Variants in UNC13C observed in about 807,000 individuals in gnomAD.
UNC13C encodes protein unc-13 homolog C.
UNC13C carries 174 observed loss-of-function variants against 245.4 expected under a neutral mutation model. The observed-to-expected ratio is 0.71, with a 90% CI of 0.63 to 0.80. The LOEUF (loss-of-function observed/expected upper bound fraction) is 0.80. UNC13C is among the 30% of genes least tolerant of loss of function. The pLI is 0.00. For synonymous variants in UNC13C, 992 were observed against 895.1 expected (o/e 1.11, Z -1.93); for missense variants, 2,829 against 2,602.9 (o/e 1.09, Z -1.89).
chr15:53,913,015 A>G, the UNC13C span: 2 of 152,180 alleles, frequency 1.3e-5, no homozygotes, highest in African/African-American at 4.8e-5. Context: ...ATTCTTCTCC[A>G]TTGACATTGC....
chr15:53,927,016 A>G, the UNC13C span, among the ~76,000 whole-genome samples: 1 of 152,218 alleles, frequency 6.6e-6, no homozygotes, highest in Non-Finnish European at 1.5e-5. Context: ...TCATCCATTT[A>G]TTTAACACCC....
intron 24 of UNC13C, among the ~76,000 whole-genome samples, chr15:54,522,511 C>A (rs1184170311): frequency 6.6e-6 from 1 of 151,774 alleles, no homozygotes; most frequent in Middle Eastern, 3.2e-3. Context: ...ACAACAACAA[C>A]AAAAAGTCTT....
At chr15:54,613,722 G>T (rs1467805752) in intron 30 of UNC13C, among the ~76,000 whole-genome samples, 2 of 151,788 alleles carry the variant, frequency 1.3e-5, no homozygotes, top group East Asian at 3.9e-4. Flanking sequence ...AAAATGCCAG[G>T]CTTATAACCT....
At chr15:53,875,718 A>T in the UNC13C span, among the ~76,000 whole-genome samples, 1 of 152,182 alleles carries the variant, frequency 6.6e-6, no homozygotes, top group Non-Finnish European at 1.5e-5. Context: ...TAGTTATAAT[A>T]TAATTCTGCA....
chr15:53,969,762 T>G, the UNC13C span, among the ~76,000 whole-genome samples: 1 of 152,048 alleles, frequency 6.6e-6, no homozygotes, highest in Non-Finnish European at 1.5e-5. Context: ...TCTTAAACAT[T>G]TTTAAGTGCA....
At chr15:53,949,100 A>G in the UNC13C span, among the ~76,000 whole-genome samples, 1 of 152,198 alleles carries the variant, frequency 6.6e-6, no homozygotes, top group African/African-American at 2.4e-5. Context: ...TAGATAAGCA[A>G]TTATAATATA....
chr15:54,289,080 C>T (rs1488938347), intron 10 of UNC13C, among the ~76,000 whole-genome samples: 2 of 151,986 alleles, frequency 1.3e-5, no homozygotes, highest in Non-Finnish European at 2.9e-5. Context: ...GTACAGGTAC[C>T]TTTTTGTGTT....
At chr15:54,507,524 A>G (rs1187986244) in intron 23 of UNC13C, among the ~76,000 whole-genome samples, 1 of 152,128 alleles carries the variant, frequency 6.6e-6, no homozygotes, top group Non-Finnish European at 1.5e-5. Context: ...GAGTATTGGC[A>G]CCAACTAGTT....
At chr15:53,934,476 CTA>C in the UNC13C span, among the ~76,000 whole-genome samples, 1 of 151,900 alleles carries the variant, frequency 6.6e-6, no homozygotes, top group Non-Finnish European at 1.5e-5. Context: ...GTGAATAAAT[CTA>C]TGTTTATCTG....
chr15:53,870,217 A>G, the UNC13C span, among the ~76,000 whole-genome samples: 2 of 152,276 alleles, frequency 1.3e-5, no homozygotes, highest in South Asian at 2.1e-4. Flanking sequence ...AAAACTTTTT[A>G]TGTTTCAAGT....
intron 4 of UNC13C, among the ~76,000 whole-genome samples, chr15:54,181,921 C>A (rs572502180): frequency 6.6e-6 from 1 of 151,958 alleles, no homozygotes; most frequent in East Asian, 1.9e-4. Flanking sequence ...TTGTTAGTTC[C>A]AAAAGCCTTT....
Position 54,103,252 on chromosome 15 carries a change from C to G in UNC13C, c.2984-39766C>G, listed in dbSNP as rs1210978130. ...AGACATACATCTCGCCATTCTTTTA[C>G]ACACATAGAAACACCTGTTCTCTCA... On this transcript the variant is annotated intron_variant, in intron 2 of 32. Transcript: ENST00000260323. Among the ~76,000 whole-genome samples the G allele has an allele frequency of 3.9e-5, 6 of 152,308 alleles. No homozygotes were observed. In the East Asian group the frequency reaches 7.7e-4, roughly 20 times the overall value.
chr15:54,189,900 A>T (rs1380455450), intron 4 of UNC13C, among the ~76,000 whole-genome samples: 1 of 152,122 alleles, frequency 6.6e-6, no homozygotes, highest in African/African-American at 2.4e-5. Context: ...TACTGTAAAA[A>T]AATAGAAGTG....
chr15:54,309,628 T>C (rs913417582), intron 13 of UNC13C, among the ~76,000 whole-genome samples: 1 of 151,908 alleles, frequency 6.6e-6, no homozygotes. Flanking sequence ...AGTAGTTTTA[T>C]AGTTTTGGGT....
chr15:54,466,180 G>T (rs1414651389), intron 19 of UNC13C, among the ~76,000 whole-genome samples: 1 of 151,924 alleles, frequency 6.6e-6, no homozygotes, highest in African/African-American at 2.4e-5. Context: ...GGTTACCAGA[G>T]GTTGCAAAGG....
the UNC13C span, among the ~76,000 whole-genome samples, chr15:53,862,955 T>A: frequency 6.6e-6 from 1 of 152,124 alleles, no homozygotes; most frequent in African/African-American, 2.4e-5. Flanking sequence ...CCTCCAAGTT[T>A]TAACTAATTC....
In UNC13C at chr15:54,013,848, G is replaced by T; in HGVS notation, c.945G>T (p.Met315Ile). 6.2e-7 allele frequency: 1 copy of T among 1,613,490 alleles called. No homozygotes were observed. Among genetic ancestry groups the T allele is most frequent in the Non-Finnish European group, 8.5e-7 (1 of 1,179,706 alleles). The part of the protein sequence containing the change: ...IHDYIKHLGH[M>I]GSKASLRFLN... ...ATTATATTAAGCACTTAGGTCATAT[G>T]GGTAGCAAGGCAAGCCTGAGATTTT... Residue 315 changes from methionine to isoleucine, a missense_variant, in exon 2 of 33, where the codon ATG (methionine) becomes ATT (isoleucine). By Grantham distance (10) the Met-to-Ile change is conservative (BLOSUM62 1). Coordinates refer to ENST00000260323, the MANE Select transcript of UNC13C (RefSeq NM_001080534.3).
chr15:54,343,730 C>A (rs944050189), intron 17 of UNC13C, among the ~76,000 whole-genome samples: 3 of 152,034 alleles, frequency 2.0e-5, no homozygotes, highest in South Asian at 2.1e-4. Flanking sequence ...AGTACTATTA[C>A]AATAGTTACA....
intron 2 of UNC13C, among the ~76,000 whole-genome samples, chr15:54,139,159 C>G (rs1013657069): frequency 6.6e-6 from 1 of 151,468 alleles, no homozygotes; most frequent in Non-Finnish European, 1.5e-5. Flanking sequence ...GGGGTTTCAC[C>G]GTGTCAGCCA....
Sources: allele counts gnomAD v4.1 joint callset (sites outside exome capture counted in the v4.1 genomes callset), GRCh38; gene constraint gnomAD v4.1.1; transcripts MANE v1.5; gene names NCBI Gene and HGNC (gene_info 2026-07-23, HGNC 2026-07-21).